SLC22A23: variants seen among roughly 807,000 people sequenced by gnomAD.
SLC22A23 encodes the protein solute carrier family 22 member 23.
Under a neutral mutation model 61.0 loss-of-function variants are expected in SLC22A23, and 26 were observed. That is an observed-to-expected ratio of 0.43 (90% confidence interval 0.31 to 0.59). SLC22A23 has a LOEUF of 0.59. Among genes scored for constraint, SLC22A23 ranks in the 20% least tolerant of loss-of-function variants. The pLI, the probability that SLC22A23 is intolerant of heterozygous loss-of-function variation, is 0.11. For synonymous variants in SLC22A23, 430 were observed against 413.9 expected (o/e 1.04, Z -0.47); for missense variants, 796 against 934.7 (o/e 0.85, Z 1.94).
At chr6:3,429,530 C>T (rs1385326898) in intron 1 of SLC22A23, among the ~76,000 whole-genome samples, 5 of 152,160 alleles carry the variant, frequency 3.3e-5, no homozygotes, top group Non-Finnish European at 7.3e-5. Flanking sequence ...ATGATTTACA[C>T]TATGTTATCC....
chr6:3,298,180 TG>T lies in SLC22A23; in HGVS notation c.1120del (p.Gln374SerfsTer9). The stretch of plus-strand genomic sequence containing the variant: ...CAGCCTCTTTGCAGACTCAAACTGC[TG>T]GGTGGCCATTAGCCACCGGAGGGAC... ...PESLRWLMAT[Q>X]QFESAKRLIL... On this transcript the variant is annotated frameshift_variant, in exon 5 of 10. Transcript: ENST00000406686. LOFTEE classifies it high-confidence loss of function. The T allele has an allele frequency of 6.3e-7, 1 of 1,591,300 alleles. No homozygotes were observed. Among genetic ancestry groups the T allele is most frequent in the Non-Finnish European group, 8.5e-7 (1 of 1,171,742 alleles).
chr6:3,296,172 G>T (rs376305373), intron 5 of SLC22A23, among the ~76,000 whole-genome samples: 5 of 152,330 alleles, frequency 3.3e-5, no homozygotes, highest in East Asian at 3.9e-4. Context: ...GTGAGGTCTG[G>T]GGAAATCTGG....
chr6:3,421,683 A>G (rs1770144112), intron 1 of SLC22A23, among the ~76,000 whole-genome samples: 1 of 152,236 alleles, frequency 6.6e-6, no homozygotes, highest in African/African-American at 2.4e-5. Flanking sequence ...TGAATCTATA[A>G]GCCCTCAAAT....
intron 1 of SLC22A23, among the ~76,000 whole-genome samples, chr6:3,440,578 G>A (rs963513795): frequency 6.6e-6 from 1 of 151,886 alleles, no homozygotes; most frequent in Admixed American, 6.6e-5. Context: ...ACGGTGGCGG[G>A]CGCCTGTAAT....
At chr6:3,388,247 C>G (rs1767435643) in intron 3 of SLC22A23, among the ~76,000 whole-genome samples, 1 of 152,176 alleles carries the variant, frequency 6.6e-6, no homozygotes, top group Non-Finnish European at 1.5e-5. Context: ...GCTGGTGTCA[C>G]AGAGCTCACA....
At chr6:3,356,264 C>A (rs1765096085) in intron 3 of SLC22A23, among the ~76,000 whole-genome samples, 1 of 151,170 alleles carries the variant, frequency 6.6e-6, no homozygotes, top group Non-Finnish European at 1.5e-5. Flanking sequence ...CCCTTGGGAT[C>A]TGGACTTCTG....
intron 1 of SLC22A23, chr6:3,438,672 G>A (rs569789412): frequency 2.1e-5 from 8 of 382,426 alleles, no homozygotes; most frequent in East Asian, 1.4e-4. Context: ...GTAATTAACC[G>A]TTATTCTAAG....
chr6:3,324,142 A>G lies in SLC22A23; in HGVS notation c.914-140T>C, dbSNP rs1268553209. 3 of 1,036,322 alleles carry G rather than the reference A, an allele frequency of 2.9e-6. No homozygotes were observed. The highest frequency in any genetic ancestry group is 2.6e-5 in the Admixed American group (1 of 38,878). 64.2% of individuals were successfully genotyped at this position (1,036,322 alleles called of 1,614,324 possible). A position where few individuals can be genotyped will look rare whatever the true frequency, so the allele number is the denominator to read the frequency against. On this transcript the variant is annotated intron_variant, in intron 3 of 9. Transcript: ENST00000406686. The surrounding 1 kb of genome is among the most constrained non-coding windows in gnomAD (Gnocchi z 4.3). ...ATCTGCTGCCCACCACAAGTGCCCT[A>G]TGTGGTGTGCCAGTGTTTTACGGGC...
chr6:3,385,568 C>T (rs1238130425), intron 3 of SLC22A23, among the ~76,000 whole-genome samples: 1 of 152,166 alleles, frequency 6.6e-6, no homozygotes, highest in Non-Finnish European at 1.5e-5. Flanking sequence ...GTGTATTTTA[C>T]CATGATCAAA....
chr6:3,429,396 TG>T (rs1469932976), intron 1 of SLC22A23, among the ~76,000 whole-genome samples: 1 of 152,222 alleles, frequency 6.6e-6, no homozygotes, highest in African/African-American at 2.4e-5. Flanking sequence ...AGCAGTCAAC[TG>T]TGTAAAATTC....
chr6:3,323,852 A>G lies in SLC22A23; in HGVS notation c.1064T>C (p.Leu355Pro), dbSNP rs1314717869. 1.2e-6 allele frequency: 2 copies of G among 1,613,830 alleles called. No homozygotes were observed. Among genetic ancestry groups the G allele is most frequent in the Non-Finnish European group, 1.7e-6 (2 of 1,179,952 alleles). ...LQALIICPFL[L>P]MLLYWSIFPE... is the part of the protein sequence containing the mutation. ...TACTCACGACCAGTAGAGCAGCATGAGCAGGAAGGGGCAGATGATGAGGGC... is the reference window on the plus strand; with the variant it reads ...TACTCACGACCAGTAGAGCAGCATGGGCAGGAAGGGGCAGATGATGAGGGC... Residue 355 changes from leucine to proline, a missense_variant, in exon 4 of 10, where the codon CTC (leucine) becomes CCC (proline). Coordinates refer to ENST00000406686, the MANE Select transcript of SLC22A23 (RefSeq NM_015482.2).
At chr6:3,298,804 CT>C (rs1369110852) in intron 4 of SLC22A23, among the ~76,000 whole-genome samples, 1 of 151,500 alleles carries the variant, frequency 6.6e-6, no homozygotes, top group Non-Finnish European at 1.5e-5. Context: ...AACCCCGTCT[CT>C]ACTAAAAATA....
rs749658021 is a variant in SLC22A23 at position 3,427,236 on chromosome 6, C to T, written c.655-11381G>A. On this transcript the variant is annotated intron_variant, in intron 1 of 9. Transcript: ENST00000406686. The surrounding 1 kb of genome is among the most constrained non-coding windows in gnomAD (Gnocchi z 4.3). ...AGAGTCAAAAATAACATCGGGAATG[C>T]GCCTGGTGCAGTAACCGGCACAAAG... Among the ~76,000 whole-genome samples, 2 of 152,104 alleles carry T rather than the reference C, an allele frequency of 1.3e-5. No individual in the cohort carries two copies. Among genetic ancestry groups the T allele is most frequent in the Non-Finnish European group, 2.9e-5 (2 of 68,024 alleles).
intron 9 of SLC22A23, among the ~76,000 whole-genome samples, chr6:3,276,109 TTGTGTGTG>T (rs112452724): frequency 1.3e-5 from 2 of 150,708 alleles, no homozygotes; most frequent in African/African-American, 2.4e-5. Context: ...AGAATGGTGA[TTGTGTGTG>T]TGTGTGTGTG....
intron 9 of SLC22A23, among the ~76,000 whole-genome samples, chr6:3,275,726 G>A (rs1196075922): frequency 6.6e-6 from 1 of 152,210 alleles, no homozygotes; most frequent in Non-Finnish European, 1.5e-5. Context: ...GGGACTATAG[G>A]CGCGTGCCAC....
At chr6:3,440,341 A>G (rs1194668771) in intron 1 of SLC22A23, among the ~76,000 whole-genome samples, 2 of 152,100 alleles carry the variant, frequency 1.3e-5, no homozygotes, top group African/African-American at 4.8e-5. Context: ...GTGGGCTTTT[A>G]AAGAGGGTAG....
intron 1 of SLC22A23, among the ~76,000 whole-genome samples, chr6:3,446,125 A>G (rs1437297135): frequency 6.6e-6 from 1 of 152,164 alleles, no homozygotes; most frequent in Non-Finnish European, 1.5e-5. Flanking sequence ...AGCAACCACC[A>G]TTCTCAAGCA....
intron 3 of SLC22A23, among the ~76,000 whole-genome samples, chr6:3,391,680 T>G (rs1198298796): frequency 6.6e-6 from 1 of 152,072 alleles, no homozygotes. Flanking sequence ...AGTGGATGAG[T>G]GGTATGCGGA....
chr6:3,419,801 G>C (rs2096950745), intron 1 of SLC22A23, among the ~76,000 whole-genome samples: 1 of 152,174 alleles, frequency 6.6e-6, no homozygotes, highest in Admixed American at 6.5e-5. Context: ...TGAAATACCA[G>C]AGTGGCTTCT....
Sources: gnomAD v4.1 joint callset for allele counts (sites outside exome capture counted in the v4.1 genomes callset) on GRCh38, gnomAD v4.1.1 for gene constraint, Gnocchi (gnomAD v3.1) non-coding constraint, MANE v1.5 for transcripts, NCBI Gene and HGNC (gene_info 2026-07-23, HGNC 2026-07-21) for gene names.